Variants in PPARGC1A observed in about 807,000 individuals in gnomAD.
PPARGC1A encodes peroxisome proliferator-activated receptor gamma coactivator 1-alpha.
Under a neutral mutation model 88.7 loss-of-function variants are expected in PPARGC1A, and 25 were observed. That is an observed-to-expected ratio of 0.28 (90% CI 0.21 to 0.39). The LOEUF is 0.39. PPARGC1A is among the 10% of genes least tolerant of loss of function. The pLI, the probability that PPARGC1A is intolerant of heterozygous loss-of-function variation, is 1.00. For synonymous variants in PPARGC1A, 363 were observed against 355.6 expected, an observed-to-expected ratio of 1.02 and a Z score of -0.24; for missense variants, 880 against 968.7, an observed-to-expected ratio of 0.91 and a Z score of 1.22.
At chr4:23,816,541 A>AT (rs1378695939) in intron 7 of PPARGC1A, among the ~76,000 whole-genome samples, 1 of 135,922 alleles carries the variant, frequency 7.4e-6, no homozygotes, top group African/African-American at 2.8e-5. Flanking sequence ...TCCCAGCGAG[A>AT]TAAAAAAAAA....
At chr4:24,022,173 G>A in the PPARGC1A span, among the ~76,000 whole-genome samples, 5 of 152,148 alleles carry the variant, frequency 3.3e-5, no homozygotes, top group Non-Finnish European at 5.9e-5. Context: ...GGCACAGCAA[G>A]CTCTCTTTTG....
At chr4:24,222,672 C>G in the PPARGC1A span, among the ~76,000 whole-genome samples, 1 of 152,200 alleles carries the variant, frequency 6.6e-6, no homozygotes, top group South Asian at 2.1e-4. Flanking sequence ...TGGCAAAAGT[C>G]TAATTAAATT....
Position 23,802,302 on chromosome 4 carries a change from G to A in PPARGC1A, c.2063C>T (p.Thr688Ile). Residue 688 changes from threonine to isoleucine, a missense_variant, in exon 11 of 13, where the codon ACA becomes ATA. Thr to Ile is a moderately conservative substitution (Grantham distance 89, BLOSUM62 -1). Coordinates refer to ENST00000264867, the MANE Select transcript of PPARGC1A (RefSeq NM_013261.5). The stretch of plus-strand genomic sequence containing the variant: ...ACGGTCCCTCAGTTCTGTCCGTGTT[G>A]TGTCAGGTCTGATTTTACCGACATA... Reference protein sequence around the residue: ...VIYVGKIRPDTTRTELRDRFE... With the variant: ...VIYVGKIRPDITRTELRDRFE... The A allele has an allele frequency of 6.2e-7, 1 of 1,614,010 alleles. No individual in the cohort carries two copies. The highest frequency in any genetic ancestry group is 8.5e-7 in the Non-Finnish European group (1 of 1,179,962).
the PPARGC1A span, among the ~76,000 whole-genome samples, chr4:24,124,197 G>T: frequency 2.6e-5 from 4 of 152,106 alleles, no homozygotes; most frequent in Non-Finnish European, 4.4e-5. Context: ...AAATGTCGAG[G>T]TTTCACAGCA....
intron 7 of PPARGC1A, among the ~76,000 whole-genome samples, chr4:23,823,034 C>T (rs1723276664): frequency 1.3e-5 from 2 of 151,858 alleles, no homozygotes; most frequent in South Asian, 4.2e-4. Flanking sequence ...CTAAACAGTT[C>T]ATGTGCATTG....
chr4:24,404,968 G>T, the PPARGC1A span, among the ~76,000 whole-genome samples: 1 of 151,940 alleles, frequency 6.6e-6, no homozygotes, highest in South Asian at 2.1e-4. Context: ...GATCACTTAC[G>T]CACACTTTCA....
At chr4:23,905,354 T>A (rs1719912815), upstream of PPARGC1A, among the ~76,000 whole-genome samples, 1 of 152,214 alleles carries the variant, frequency 6.6e-6, no homozygotes, top group African/African-American at 2.4e-5. Context: ...TGCATACATG[T>A]TATGGCTTTT....
chr4:24,157,366 G>C, the PPARGC1A span, among the ~76,000 whole-genome samples: 1 of 151,986 alleles, frequency 6.6e-6, no homozygotes, highest in Admixed American at 6.6e-5. Context: ...AGCCTCTGGG[G>C]GACTCCTTCA....
the PPARGC1A span, among the ~76,000 whole-genome samples, chr4:23,958,925 T>C: frequency 5.3e-5 from 8 of 152,100 alleles, no homozygotes; most frequent in African/African-American, 1.9e-4. Context: ...AAGGGCTTAT[T>C]CATATTGACA....
the PPARGC1A span, among the ~76,000 whole-genome samples, chr4:24,194,326 G>A: frequency 1.3e-5 from 2 of 152,070 alleles, no homozygotes; most frequent in Non-Finnish European, 2.9e-5. Context: ...ACCAGACAGA[G>A]AGCTGATTTA....
the PPARGC1A span, among the ~76,000 whole-genome samples, chr4:24,283,224 A>G: frequency 6.6e-6 from 1 of 152,156 alleles, no homozygotes; most frequent in Non-Finnish European, 1.5e-5. Context: ...ACCAAGGTTC[A>G]CTGTCAGTTA....
At chr4:24,199,459 A>G in the PPARGC1A span, among the ~76,000 whole-genome samples, 1 of 152,074 alleles carries the variant, frequency 6.6e-6, no homozygotes, top group Non-Finnish European at 1.5e-5. Flanking sequence ...ACCACAAATG[A>G]CCCTGGGGAA....
chr4:23,946,188 C>G, the PPARGC1A span, among the ~76,000 whole-genome samples: 1 of 152,098 alleles, frequency 6.6e-6, no homozygotes, highest in Non-Finnish European at 1.5e-5. Flanking sequence ...AACAGAGCAC[C>G]CATTTTGTCT....
chr4:23,793,556 A>G lies in PPARGC1A; in HGVS notation c.*2266T>C, dbSNP rs1040630207. Reference sequence around the variant, plus strand: ...TTGGGCGAGAGAAAGGAAAAGAACAATTGAGTAGTAGGTGTATCATGTCTT... The same window carrying G: ...TTGGGCGAGAGAAAGGAAAAGAACAGTTGAGTAGTAGGTGTATCATGTCTT... On this transcript the variant is annotated 3_prime_UTR_variant, in exon 13 of 13. Transcript: ENST00000264867. 2.0e-5 allele frequency: 3 copies of G among 152,362 alleles called. No homozygotes were observed. Among genetic ancestry groups the G allele is most frequent in the Admixed American group, 1.3e-4 (2 of 15,244 alleles). 9.4% of individuals were successfully genotyped at this position (152,362 alleles called of 1,614,324 possible).
chr4:23,804,189 G>A (rs189069904), intron 10 of PPARGC1A, among the ~76,000 whole-genome samples: 9 of 152,146 alleles, frequency 5.9e-5, no homozygotes, highest in African/African-American at 9.6e-5. Flanking sequence ...ACCGAAGCCC[G>A]ACCCTCCAGC....
At chr4:23,880,794 C>T (rs983225385) in intron 2 of PPARGC1A, 2 of 152,172 alleles carry the variant, frequency 1.3e-5, no homozygotes, top group African/African-American at 4.8e-5. Context: ...CAAACATGAA[C>T]GCTGGCTACA....
the PPARGC1A span, among the ~76,000 whole-genome samples, chr4:24,072,593 C>T: frequency 6.6e-6 from 1 of 151,926 alleles, no homozygotes; most frequent in African/African-American, 2.4e-5. Flanking sequence ...GATCAACAAC[C>T]CCCCAAAATT....
chr4:24,400,716 T>G, the PPARGC1A span, among the ~76,000 whole-genome samples: 1 of 152,154 alleles, frequency 6.6e-6, no homozygotes, highest in Non-Finnish European at 1.5e-5. Context: ...ATGTGAGAAT[T>G]TAATGAGCTG....
the PPARGC1A span, among the ~76,000 whole-genome samples, chr4:24,111,330 A>G: frequency 3.9e-4 from 60 of 152,292 alleles, no homozygotes; most frequent in Middle Eastern, 3.4e-3. Flanking sequence ...TGTTCTCTCT[A>G]TTGGGGTTTC....
Sources: gnomAD v4.1 joint callset for allele counts (sites outside exome capture counted in the v4.1 genomes callset) on GRCh38, gnomAD v4.1.1 for gene constraint, MANE v1.5 for transcripts, NCBI Gene and HGNC (gene_info 2026-07-23, HGNC 2026-07-21) for gene names.